Variants in ZNF385D observed in about 807,000 individuals in gnomAD.
ZNF385D encodes the protein zinc finger protein 385D.
Under a neutral mutation model 35.8 loss-of-function variants are expected in ZNF385D, and 15 were observed. That is an observed-to-expected ratio of 0.42 (90% CI 0.28 to 0.64). ZNF385D has a LOEUF of 0.64. Ranked by LOEUF, ZNF385D falls within the 30% of genes least tolerant of loss-of-function variation. The probability of loss-of-function intolerance (pLI) is 0.23; values close to 1 mark genes in which losing one functional copy is unlikely to be tolerated. For synonymous variants in ZNF385D, 212 were observed against 186.8 expected (o/e 1.13, Z -1.10); for missense variants, 474 against 494.6 (o/e 0.96, Z 0.39).
intron 2 of ZNF385D, among the ~76,000 whole-genome samples, chr3:22,231,627 C>T (rs141954129): frequency 6.6e-6 from 1 of 152,042 alleles, no homozygotes; most frequent in Non-Finnish European, 1.5e-5. Flanking sequence ...GCTATGAGAT[C>T]CTTTTCTGTG....
chr3:21,621,554 C>CGTGTGTGTGTGTGTGTGTGTGT (rs58332425), intron 2 of ZNF385D, among the ~76,000 whole-genome samples: 14 of 136,988 alleles, frequency 1.0e-4, no homozygotes, highest in East Asian at 2.4e-4. Context: ...AAAAAATTCC[C>CGTGTGTGTGTGTGTGTGTGTGT]GTGTGTGTGT....
intron 3 of ZNF385D, among the ~76,000 whole-genome samples, chr3:22,122,335 T>TC (rs1300564556): frequency 6.6e-6 from 1 of 152,168 alleles, no homozygotes; most frequent in East Asian, 1.9e-4. Flanking sequence ...TTGTTTTTTT[T>TC]CCACTGTAAT....
intron 3 of ZNF385D, among the ~76,000 whole-genome samples, chr3:22,065,634 G>A (rs377487137): frequency 1.3e-4 from 20 of 151,662 alleles, no homozygotes; most frequent in South Asian, 1.3e-3. Context: ...TGTGGAGCTC[G>A]CAAGTGGTGA....
intron 3 of ZNF385D, among the ~76,000 whole-genome samples, chr3:21,532,357 G>A (rs1159881369): frequency 6.6e-6 from 1 of 152,148 alleles, no homozygotes; most frequent in African/African-American, 2.4e-5. Flanking sequence ...TAATATATCA[G>A]TGTGGGGGAG....
intron 2 of ZNF385D, among the ~76,000 whole-genome samples, chr3:22,337,685 C>A (rs1695235713): frequency 6.6e-6 from 1 of 152,166 alleles, no homozygotes; most frequent in Non-Finnish European, 1.5e-5. Flanking sequence ...TAATAGAAAC[C>A]AAACAGCAGA....
At chr3:22,301,141 G>T (rs1702878444) in intron 2 of ZNF385D, among the ~76,000 whole-genome samples, 1 of 152,070 alleles carries the variant, frequency 6.6e-6, no homozygotes, top group Non-Finnish European at 1.5e-5. Flanking sequence ...CAACAGAGAT[G>T]AACCTGGAGG....
At chr3:22,301,174 T>G (rs1003244565) in intron 2 of ZNF385D, among the ~76,000 whole-genome samples, 1 of 152,054 alleles carries the variant, frequency 6.6e-6, no homozygotes, top group Non-Finnish European at 1.5e-5. Context: ...CGAAATAAGC[T>G]GGGCACTGAA....
chr3:22,321,647 G>A (rs1396162191), intron 2 of ZNF385D, among the ~76,000 whole-genome samples: 2 of 152,142 alleles, frequency 1.3e-5, no homozygotes, highest in Non-Finnish European at 2.9e-5. Context: ...TTACAAGCAT[G>A]AGCCACCGCA....
intron 2 of ZNF385D, among the ~76,000 whole-genome samples, chr3:22,333,415 G>A (rs948225175): frequency 1.3e-5 from 2 of 151,866 alleles, no homozygotes; most frequent in East Asian, 3.9e-4. Flanking sequence ...ATGTTAAATT[G>A]ACTTTTCGGT....
At chr3:21,547,294 A>C (rs750138571) in intron 3 of ZNF385D, among the ~76,000 whole-genome samples, 1 of 152,176 alleles carries the variant, frequency 6.6e-6, no homozygotes, top group Admixed American at 6.5e-5. Flanking sequence ...TTTTTTAACC[A>C]GTCGGGCTTT....
chr3:21,460,486 A>G (rs1282173956), intron 4 of ZNF385D, among the ~76,000 whole-genome samples: 3 of 151,992 alleles, frequency 2.0e-5, no homozygotes, highest in Non-Finnish European at 4.4e-5. Flanking sequence ...AGCTGTGTAC[A>G]TCAATAGGAA....
intron 3 of ZNF385D, among the ~76,000 whole-genome samples, chr3:21,979,263 A>T (rs1694263537): frequency 6.6e-6 from 1 of 152,196 alleles, no homozygotes; most frequent in Non-Finnish European, 1.5e-5. Context: ...GGGGGAAAAA[A>T]ACCCACAAAA....
At chr3:21,704,879 G>A (rs933333296) in intron 1 of ZNF385D, among the ~76,000 whole-genome samples, 18 of 152,072 alleles carry the variant, frequency 1.2e-4, no homozygotes, top group African/African-American at 4.3e-4. Context: ...TACTTAATAA[G>A]TACTTGTTAT....
At position 22,026,790 on chromosome 3, in the gene ZNF385D, A is replaced by T. The variant is rs575207457; in HGVS notation, c.325+142027T>A. ...TATTGCATCCCTGGAGGGATTGAGA[A>T]CATTAGTGCCACCATCAAGGACTTG... On this transcript the variant is annotated intron_variant, in intron 3 of 5. Transcript: ENST00000494108. 2.6e-5 allele frequency among the ~76,000 whole-genome samples: 4 copies of T among 152,322 alleles called. No homozygotes were observed. The South Asian group carries it at 8.3e-4, about 32-fold the overall frequency.
At chr3:21,905,937 G>A (rs1423087294) in intron 3 of ZNF385D, among the ~76,000 whole-genome samples, 1 of 152,160 alleles carries the variant, frequency 6.6e-6, no homozygotes, top group Non-Finnish European at 1.5e-5. Flanking sequence ...ACTGAACCAT[G>A]TAGCTGGAAT....
chr3:21,512,952 C>A (rs768506583), intron 3 of ZNF385D, among the ~76,000 whole-genome samples: 1 of 151,998 alleles, frequency 6.6e-6, no homozygotes, highest in Non-Finnish European at 1.5e-5. Context: ...TGCAAGTAAC[C>A]CTTTCCTTGG....
chr3:21,781,041 T>C (rs1160745196), intron 3 of ZNF385D, among the ~76,000 whole-genome samples: 1 of 151,982 alleles, frequency 6.6e-6, no homozygotes, highest in African/African-American at 2.4e-5. Flanking sequence ...AATTGAGAAA[T>C]TTCAAGGCAA....
intron 1 of ZNF385D, 99 bp downstream of exon 1, chr3:21,750,796 G>GT: frequency 2.7e-6 from 4 of 1,493,862 alleles, no homozygotes; most frequent in Non-Finnish European, 3.7e-6. Flanking sequence ...TAGGTTTAAT[G>GT]TAACATATTC....
chr3:21,868,174 C>G (rs893920347), intron 3 of ZNF385D, among the ~76,000 whole-genome samples: 1 of 152,098 alleles, frequency 6.6e-6, no homozygotes, highest in African/African-American at 2.4e-5. Context: ...GTATTTTAAG[C>G]TCGTGCACGA....
Sources: allele counts gnomAD v4.1 joint callset (sites outside exome capture counted in the v4.1 genomes callset), GRCh38; gene constraint gnomAD v4.1.1; transcripts MANE v1.5; gene names NCBI Gene and HGNC (gene_info 2026-07-23, HGNC 2026-07-21).